The following LMOD3 variants were observed in gnomAD, a reference collection of about 807,000 sequenced individuals.
LMOD3 encodes the protein leiomodin-3.
In LMOD3, 31 loss-of-function variants were observed where a neutral mutation model predicts 41.8. The ratio of observed to expected loss-of-function variants is 0.74; its 90% confidence interval spans 0.56 to 1.00. LMOD3 has a LOEUF of 1.00. Ranked by LOEUF, LMOD3 falls within the 50% of genes least tolerant of loss-of-function variation. The probability of loss-of-function intolerance (pLI) is 0.00; values close to 1 mark genes in which losing one functional copy is unlikely to be tolerated. For missense variants in LMOD3, 755 were observed against 679.5 expected (o/e 1.11, Z -1.23); for synonymous variants, 292 against 241.9 (o/e 1.21, Z -1.92).
intron 1 of LMOD3, among the ~76,000 whole-genome samples, chr3:69,121,106 AG>A (rs1396895116): frequency 6.6e-6 from 1 of 152,202 alleles, no homozygotes; most frequent in Non-Finnish European, 1.5e-5. Context: ...AAGTTATACC[AG>A]AGGAAGGAAA....
intron 2 of LMOD3, among the ~76,000 whole-genome samples, chr3:69,112,090 T>A (rs906083768): frequency 1.3e-5 from 2 of 152,170 alleles, no homozygotes; most frequent in African/African-American, 2.4e-5. Flanking sequence ...TAGCTAGATA[T>A]GATGTCATAA....
chr3:69,117,857 G>T (rs1297655150), intron 2 of LMOD3, among the ~76,000 whole-genome samples: 3 of 138,494 alleles, frequency 2.2e-5, no homozygotes, highest in Admixed American at 6.9e-5. Context: ...TTTTTAGATG[G>T]AGTCTCGCTC....
In LMOD3 at chr3:69,119,690, G is replaced by C; in HGVS notation, c.665C>G (p.Ala222Gly). 1.2e-6 allele frequency: 2 copies of C among 1,613,934 alleles called. No homozygotes were observed. Among genetic ancestry groups the C allele is most frequent in the Non-Finnish European group, 1.7e-6 (2 of 1,179,896 alleles). The change falls in exon 2 of 3, where the codon GCT (alanine) becomes GGT (glycine). Residue 222 changes from alanine (A) to glycine (G), a missense_variant. Ala to Gly is a moderately conservative substitution (Grantham distance 60). Coordinates refer to ENST00000420581, the MANE Select transcript of LMOD3 (RefSeq NM_198271.5). ...TACCTTCAAAAAGCTGGTGTCTAGA[G>C]CTAACTTCTTAGGATCTAATTTCGA... The part of the protein sequence containing the change: ...KISKLDPKKL[A>G]LDTSFLKVST...
chr3:69,107,494 T>TTTTTTTTTTTTTTTG lies in LMOD3; in HGVS notation c.*1600_*1601insCAAAAAAAAAAAAAA, dbSNP rs1252768762. ...TTTTTTTTTTTTTTTTTTTTTTTTT[T>TTTTTTTTTTTTTTTG]GAGATGGAGTATCACTCTGTCACCC... On this transcript the variant is annotated 3_prime_UTR_variant, in exon 3 of 3. Transcript: ENST00000420581. The TTTTTTTTTTTTTTTG allele has an allele frequency of 8.0e-6, 1 of 125,114 alleles. No homozygotes were observed. The highest frequency in any genetic ancestry group is 1.6e-5 in the Non-Finnish European group (1 of 62,704). The allele number at this position is 125,114 out of a possible 1,614,324, so 7.8% of individuals were successfully genotyped here. A position where few individuals can be genotyped will look rare whatever the true frequency, so the allele number is the denominator to read the frequency against.
rs138906041 is a variant in LMOD3 at position 69,122,252 on chromosome 3, G to A, written c.135C>T (p.Asp45=). 3.3e-4 allele frequency: 529 copies of A among 1,613,644 alleles called. No individual in the cohort carries two copies. In the African/African-American group the frequency reaches 6.5e-3, roughly 20 times the overall value. ...LQSEMEVMAP[D]PSLPVGMIQK... is the part of the protein sequence containing the mutation. ...GAATCATTCCCACGGGAAGGCTGGG[G>A]TCAGGGGCCATGACTTCCATTTCCG... The change falls in exon 1 of 3, where the codon GAC becomes GAT. Residue 45 remains aspartate (D), a synonymous_variant. Transcript: ENST00000420581.
Position 69,119,632 on chromosome 3 carries a change from C to T in LMOD3, c.723G>A (p.Leu241=). The part of the protein sequence containing the change: ...STRPSGNQTD[L]DGSLRRVRKN... The stretch of plus-strand genomic sequence containing the variant: ...TCCTAACTCTCCTCAAGCTCCCATC[C>T]AGGTCTGTCTGGTTTCCTGAAGGCC... The change falls in exon 2 of 3, where the codon CTG becomes CTA. Residue 241 remains leucine, a synonymous_variant. Transcript: ENST00000420581. The T allele has an allele frequency of 6.2e-7, 1 of 1,613,828 alleles. No individual in the cohort carries two copies.
rs1284611674 is a variant in LMOD3, at chr3:69,116,236, A to T, written c.1656+2463T>A. ...GAAGCAAATTTTCATTAGTGCAAGG[A>T]GGCATTTTCATATTTTTCTTGCCGA... is the stretch of plus-strand genomic sequence containing the variant. On this transcript the variant is annotated intron_variant, in intron 2 of 2. Transcript: ENST00000420581. Among the ~76,000 whole-genome samples, 5 of 152,252 alleles carry T rather than the reference A, an allele frequency of 3.3e-5. No homozygotes were observed. In the East Asian group the frequency reaches 9.6e-4, roughly 29 times the overall value.
intron 2 of LMOD3, among the ~76,000 whole-genome samples, chr3:69,110,838 CA>C (rs774402446): frequency 0.21 from 13,865 of 66,536 alleles, 1,036 homozygotes; most frequent in South Asian, 0.24. Context: ...GACACCATCT[CA>C]AAAAAAAAAA....
chr3:69,114,900 C>G (rs1303512128), intron 2 of LMOD3, among the ~76,000 whole-genome samples: 7 of 152,194 alleles, frequency 4.6e-5, no homozygotes, highest in Admixed American at 2.6e-4. Context: ...GGGTCTCACT[C>G]TGTTGCCCAG....
At position 69,108,915 on chromosome 3, in the gene LMOD3, C is replaced by T; in HGVS notation, c.*180G>A. The T allele has an allele frequency of 5.8e-6, 3 of 518,694 alleles. No individual in the cohort carries two copies. The South Asian group carries it at 9.5e-5, about 16-fold the overall frequency. The allele number at this position is 518,694 out of a possible 1,614,324, so 32.1% of individuals were successfully genotyped here. ...TTTTATCTCCTTCCACCTTCCTCTT[C>T]AGCCCCTACTTCTTCATGGCCCAAA... On this transcript the variant is annotated 3_prime_UTR_variant, in exon 3 of 3. Coordinates refer to ENST00000420581, the MANE Select transcript of LMOD3 (RefSeq NM_198271.5).
rs1484432537 is a variant in LMOD3 at position 69,108,987 on chromosome 3, C to A, written c.*108G>T. ...CCTTATCAGATGGTAGCATTGTTTC[C>A]AGTTCTGCCACGTGGATCCTAAAGT... is the stretch of plus-strand genomic sequence containing the variant. On this transcript the variant is annotated 3_prime_UTR_variant, in exon 3 of 3. Transcript: ENST00000420581. 3 of 982,052 alleles carry A rather than the reference C, an allele frequency of 3.1e-6. No individual in the cohort carries two copies. In the East Asian group the frequency reaches 8.0e-5, roughly 26 times the overall value. 60.8% of individuals were successfully genotyped at this position (982,052 alleles called of 1,614,324 possible).
At chr3:69,118,157 G>T (rs189652206) in intron 2 of LMOD3, among the ~76,000 whole-genome samples, 1 of 152,234 alleles carries the variant, frequency 6.6e-6, no homozygotes, top group African/African-American at 2.4e-5. Flanking sequence ...ATTCCTCACT[G>T]TAGGTTCCTA....
In LMOD3 at chr3:69,107,456, T is replaced by G. The variant is rs1464870356; in HGVS notation, c.*1639A>C. Reference sequence around the variant, plus strand: ...GAAGAGAGAAAAGGCACCAAAGGTTTTTTTTTTTTTTTTTTTTTTTTTTTT... The same window carrying G: ...GAAGAGAGAAAAGGCACCAAAGGTTGTTTTTTTTTTTTTTTTTTTTTTTTT... On this transcript the variant is annotated 3_prime_UTR_variant, in exon 3 of 3. Coordinates refer to ENST00000420581, the MANE Select transcript of LMOD3 (RefSeq NM_198271.5). 33 of 63,366 alleles carry G rather than the reference T, an allele frequency of 5.2e-4. No individual in the cohort carries two copies. The highest frequency in any genetic ancestry group is 4.5e-3 in the Admixed American group (31 of 6,932). 3.9% of individuals were successfully genotyped at this position (63,366 alleles called of 1,614,324 possible).
At chr3:69,117,218 C>A (rs2092378742) in intron 2 of LMOD3, among the ~76,000 whole-genome samples, 3 of 152,178 alleles carry the variant, frequency 2.0e-5, no homozygotes, top group African/African-American at 7.2e-5. Flanking sequence ...GAATCAGAGC[C>A]TCTCTAAATC....
At chr3:69,121,401 C>T (rs1291763508) in intron 1 of LMOD3, among the ~76,000 whole-genome samples, 1 of 151,750 alleles carries the variant, frequency 6.6e-6, no homozygotes, top group East Asian at 1.9e-4. Context: ...GGAGGCATCT[C>T]TGTCCTCTTT....
At position 69,108,382 on chromosome 3, in the gene LMOD3, T is replaced by C. The variant is rs2092332452; in HGVS notation, c.*713A>G. ...CTTGCTGCCAGGAAGTTTTCATATATGCAGGGTTTACTTTCCCATTACTTT... is the reference window on the plus strand; with the variant it reads ...CTTGCTGCCAGGAAGTTTTCATATACGCAGGGTTTACTTTCCCATTACTTT... On this transcript the variant is annotated 3_prime_UTR_variant, in exon 3 of 3. Transcript: ENST00000420581. The C allele has an allele frequency of 6.6e-6, 1 of 152,200 alleles. No homozygotes were observed. The highest frequency in any genetic ancestry group is 1.5e-5 in the Non-Finnish European group (1 of 68,046). 9.4% of individuals were successfully genotyped at this position (152,200 alleles called of 1,614,324 possible).
chr3:69,121,989 G>A (rs939091892), intron 1 of LMOD3, 104 bp downstream of exon 1: 4 of 925,952 alleles, frequency 4.3e-6, no homozygotes, highest in Admixed American at 5.7e-5. Flanking sequence ...CAAAAACAAA[G>A]CAGAACCAAA....
In LMOD3 at chr3:69,106,445, T is replaced by TCGC. The variant is rs372758605; in HGVS notation, c.*2649_*2650insGCG. 8.5e-5 allele frequency among the ~76,000 whole-genome samples: 13 copies of TCGC among 152,250 alleles called. No individual in the cohort carries two copies. The East Asian group carries it at 2.5e-3, about 29-fold the overall frequency. On this transcript the variant is annotated 3_prime_UTR_variant, in exon 3 of 3. Coordinates refer to ENST00000420581, the MANE Select transcript of LMOD3 (RefSeq NM_198271.5). ...AAATGTAACATATAAATGTTGTAAATTATGATTACATTTAAAAACAAGCTA... is the reference window on the plus strand; with the variant it reads ...AAATGTAACATATAAATGTTGTAAATCGCTATGATTACATTTAAAAACAAGCTA...
chr3:69,116,729 C>T (rs1244972431), intron 2 of LMOD3, among the ~76,000 whole-genome samples: 1 of 152,102 alleles, frequency 6.6e-6, no homozygotes, highest in African/African-American at 2.4e-5. Flanking sequence ...CCTGACTTAC[C>T]ACTATATCCC....
Sources: gnomAD v4.1 joint callset for allele counts (sites outside exome capture counted in the v4.1 genomes callset) on GRCh38, gnomAD v4.1.1 for gene constraint, MANE v1.5 for transcripts, NCBI Gene and HGNC (gene_info 2026-07-23, HGNC 2026-07-21) for gene names.